CELF2: variants seen among roughly 807,000 people sequenced by gnomAD.
CELF2 encodes the protein CUG triplet repeat RNA-binding protein 2.
In CELF2, 8 loss-of-function variants were observed where a neutral mutation model predicts 62.6. That is an observed-to-expected ratio of 0.13 (90% CI 0.07 to 0.23). CELF2 has a LOEUF of 0.23. Among genes scored for constraint, CELF2 ranks in the 10% least tolerant of loss-of-function variants. The pLI, the probability that CELF2 is intolerant of heterozygous loss-of-function variation, is 1.00. For synonymous variants in CELF2, 258 were observed against 250.0 expected (o/e 1.03, Z -0.30); for missense variants, 333 against 671.0 (o/e 0.50, Z 5.56).
In CELF2 at chr10:10,973,159, G is replaced by A. The variant is rs114122526; in HGVS notation, c.89+53160G>A. On this transcript the variant is annotated intron_variant, in intron 2 of 13. Coordinates refer to the CELF2 transcript ENST00000636488. The stretch of plus-strand genomic sequence containing the variant: ...TAAAAAATTAGCCAGTCTTGGTGGC[G>A]TGCACCTGCAGTCTGGGAGGCTGAG... Among the ~76,000 whole-genome samples the A allele has an allele frequency of 7.2e-3, 1,089 of 151,948 alleles. 9 individuals carry two copies. The highest frequency in any genetic ancestry group is 0.024 in the African/African-American group (1,010 of 41,432).
intron 1 of CELF2, among the ~76,000 whole-genome samples, chr10:10,814,208 G>C: frequency 1.6e-5 from 1 of 63,402 alleles, no homozygotes; most frequent in African/African-American, 6.1e-5. Context: ...AGGGAAAGAA[G>C]AGTCCTAAAA....
At chr10:11,109,402 C>T (rs1465225571) in intron 1 of CELF2, among the ~76,000 whole-genome samples, 1 of 152,198 alleles carries the variant, frequency 6.6e-6, no homozygotes, top group African/African-American at 2.4e-5. Flanking sequence ...GATGCAAGGA[C>T]TCACTGGAGC....
intron 5 of CELF2, among the ~76,000 whole-genome samples, chr10:11,261,968 T>A (rs1361164044): frequency 6.6e-6 from 1 of 152,018 alleles, no homozygotes; most frequent in Admixed American, 6.5e-5. Context: ...CAGCCTGGGC[T>A]ATTTAGGTAC....
chr10:10,607,273 C>T, the CELF2 span, among the ~76,000 whole-genome samples: 1 of 151,952 alleles, frequency 6.6e-6, no homozygotes, highest in Non-Finnish European at 1.5e-5. Flanking sequence ...TTTCATTTTT[C>T]ACAGTGTTAC....
At chr10:10,999,461 C>T (rs2054299347) in intron 2 of CELF2, among the ~76,000 whole-genome samples, 1 of 152,158 alleles carries the variant, frequency 6.6e-6, no homozygotes, top group African/African-American at 2.4e-5. Flanking sequence ...ATGCGATGAG[C>T]ATGGAAGCAC....
chr10:10,998,665 C>T (rs572275466), intron 2 of CELF2, among the ~76,000 whole-genome samples: 2 of 151,966 alleles, frequency 1.3e-5, no homozygotes, highest in Non-Finnish European at 2.9e-5. Flanking sequence ...CAGGCTGACC[C>T]GGGAAGAAAT....
the CELF2 span, among the ~76,000 whole-genome samples, chr10:10,619,034 C>A: frequency 1.7e-3 from 261 of 151,674 alleles, no homozygotes; most frequent in Non-Finnish European, 3.4e-3. Context: ...ATGTTGCCTG[C>A]CTTTTTACTG....
At chr10:11,170,831 A>G (rs1453789402) in intron 2 of CELF2, among the ~76,000 whole-genome samples, 1 of 152,184 alleles carries the variant, frequency 6.6e-6, no homozygotes, top group African/African-American at 2.4e-5. Context: ...TAGTTAATCA[A>G]AGTTACAATC....
chr10:10,906,184 G>A (rs1346028980), intron 1 of CELF2, among the ~76,000 whole-genome samples: 1 of 152,064 alleles, frequency 6.6e-6, no homozygotes, highest in African/African-American at 2.4e-5. Context: ...TTATTTCCCA[G>A]GTCTGCTAAT....
chr10:10,995,930 G>C lies in CELF2; in HGVS notation c.89+75931G>C, dbSNP rs1362009404. On this transcript the variant is annotated intron_variant, in intron 2 of 13. Transcript: ENST00000636488. The surrounding 1 kb of genome is among the most constrained non-coding windows in gnomAD (Gnocchi z 4.7). ...GTTCTGGAATTAAAAATGAACATAA[G>C]ACTCTTTTGATCTGGGTGCTGACTG... Among the ~76,000 whole-genome samples the C allele has an allele frequency of 6.6e-6, 1 of 152,162 alleles. No individual in the cohort carries two copies. The highest frequency in any genetic ancestry group is 6.5e-5 in the Admixed American group (1 of 15,274).
At chr10:11,230,979 T>G (rs1191275076) in intron 3 of CELF2, among the ~76,000 whole-genome samples, 1 of 152,244 alleles carries the variant, frequency 6.6e-6, no homozygotes, top group Admixed American at 6.5e-5. Context: ...TGTCTCTTGC[T>G]ATCCGCAGCT....
rs539004627 is a variant in CELF2 at position 11,227,780 on chromosome 10, C to T, written c.354+10273C>T. Among the ~76,000 whole-genome samples, 1 of 152,310 alleles carries T rather than the reference C, an allele frequency of 6.6e-6. No individual in the cohort carries two copies. The highest frequency in any genetic ancestry group is 2.1e-4 in the South Asian group (1 of 4,826). ...CTGTAGGCTGGCACTTTCTACAACA[C>T]TGTCACGCATCAGGGACGAGGGTAC... On this transcript the variant is annotated intron_variant, in intron 3 of 12. Coordinates refer to ENST00000633077, the MANE Select transcript of CELF2 (RefSeq NM_001326342.2). The surrounding 1 kb of genome is among the most constrained non-coding windows in gnomAD (Gnocchi z 4.8).
chr10:10,802,456 C>A (rs368592194), intron 1 of CELF2, among the ~76,000 whole-genome samples: 4 of 152,008 alleles, frequency 2.6e-5, no homozygotes, highest in African/African-American at 9.7e-5. Context: ...GGTGACAGAG[C>A]GAGACTCTGT....
rs572784936 is a variant in CELF2, at chr10:11,288,046, A to T, written c.842-372A>T. On this transcript the variant is annotated intron_variant, in intron 8 of 12. Transcript: ENST00000633077. Reference sequence around the variant, plus strand: ...AGAAGCTGCCAGTCCACAAGGCCCTACTGTGGCCAGTCAGCACTGAAATCT... The same window carrying T: ...AGAAGCTGCCAGTCCACAAGGCCCTTCTGTGGCCAGTCAGCACTGAAATCT... 1.1e-4 allele frequency among the ~76,000 whole-genome samples: 17 copies of T among 152,332 alleles called. No individual in the cohort carries two copies. In the South Asian group the frequency reaches 3.3e-3, roughly 30 times the overall value.
At chr10:11,119,041 G>A (rs17149557) in intron 1 of CELF2, among the ~76,000 whole-genome samples, 16,926 of 152,174 alleles carry the variant, frequency 0.11, 1,438 homozygotes, top group African/African-American at 0.23. Context: ...TTCTCAAGCC[G>A]CCATCCAGTT....
At chr10:10,925,892 G>A (rs554054499) in intron 2 of CELF2, among the ~76,000 whole-genome samples, 3 of 152,188 alleles carry the variant, frequency 2.0e-5, no homozygotes, top group African/African-American at 4.8e-5. Flanking sequence ...CAGACTCTGC[G>A]ATCACAGCTG....
chr10:11,023,034 A>G (rs2058590797), intron 1 of CELF2, among the ~76,000 whole-genome samples: 1 of 152,232 alleles, frequency 6.6e-6, no homozygotes, highest in Non-Finnish European at 1.5e-5. Flanking sequence ...CCCAAACTTA[A>G]TAGGTCATTA....
the CELF2 span, among the ~76,000 whole-genome samples, chr10:10,567,747 T>C: frequency 6.6e-6 from 1 of 152,134 alleles, no homozygotes; most frequent in Non-Finnish European, 1.5e-5. Context: ...GGGCCATGAC[T>C]TTGGGTGATG....
At chr10:10,464,719 T>C in the CELF2 span, among the ~76,000 whole-genome samples, 1 of 152,208 alleles carries the variant, frequency 6.6e-6, no homozygotes, top group Non-Finnish European at 1.5e-5. Flanking sequence ...GGTTTCACTG[T>C]AGGACTCTGT....
Sources: gnomAD v4.1 joint callset for allele counts (sites outside exome capture counted in the v4.1 genomes callset) on GRCh38, gnomAD v4.1.1 for gene constraint, Gnocchi (gnomAD v3.1) non-coding constraint, MANE v1.5 for transcripts, NCBI Gene and HGNC (gene_info 2026-07-23, HGNC 2026-07-21) for gene names.